The following RXFP2 variants were observed in gnomAD, a reference collection of about 807,000 sequenced individuals.
The protein encoded by RXFP2 is relaxin receptor 2.
A neutral mutation model predicts 88.6 loss-of-function variants in RXFP2; 68 were observed. The observed-to-expected ratio is 0.77, with a 90% CI of 0.63 to 0.94. RXFP2 has a LOEUF of 0.94. RXFP2 is among the 40% of genes least tolerant of loss of function. The pLI, the probability that RXFP2 is intolerant of heterozygous loss-of-function variation, is 0.00. For synonymous variants in RXFP2, 329 were observed against 306.8 expected, an observed-to-expected ratio of 1.07 and a Z score of -0.76; for missense variants, 791 against 893.9, an observed-to-expected ratio of 0.88 and a Z score of 1.47.
intron 16 of RXFP2, among the ~76,000 whole-genome samples, chr13:31,796,208 C>T (rs1298961289): frequency 2.0e-5 from 3 of 149,426 alleles, no homozygotes; most frequent in Admixed American, 6.6e-5. Context: ...CGCCACCGCG[C>T]CCGGCTAATT....
chr13:31,766,495 G>GA (rs748068692), intron 5 of RXFP2, among the ~76,000 whole-genome samples: 14 of 152,138 alleles, frequency 9.2e-5, no homozygotes, highest in Non-Finnish European at 1.8e-4. Flanking sequence ...TCTGAGGAAA[G>GA]AAAATGCCAA....
At chr13:31,744,103 C>T (rs1476991347) in intron 1 of RXFP2, among the ~76,000 whole-genome samples, 1 of 152,178 alleles carries the variant, frequency 6.6e-6, no homozygotes, top group Non-Finnish European at 1.5e-5. Flanking sequence ...ATCCCACAGT[C>T]TCCTGGCCCG....
chr13:31,798,965 T>TA (rs1874191066), intron 17 of RXFP2, among the ~76,000 whole-genome samples: 1 of 152,198 alleles, frequency 6.6e-6, no homozygotes, highest in Non-Finnish European at 1.5e-5. Flanking sequence ...ATGGTTTGTT[T>TA]ACACCAGGTT....
chr13:31,792,906 A>G lies in RXFP2; in HGVS notation c.1604A>G (p.Lys535Arg), dbSNP rs1278448405. The G allele has an allele frequency of 1.2e-6, 2 of 1,614,050 alleles. No homozygotes were observed. The highest frequency in any genetic ancestry group is 4.5e-5 in the East Asian group (2 of 44,882). The change falls in exon 16 of 18, where the codon AAA becomes AGA. Residue 535 changes from lysine to arginine, a missense_variant. Coordinates refer to ENST00000298386, the MANE Select transcript of RXFP2 (RefSeq NM_130806.5). ...CCCTTCAGTAACATTCGACCTGGAA[A>G]ACGGCAGACCTCAGTCATCCTCATT... ...VFPFSNIRPG[K>R]RQTSVILICI...
chr13:31,783,076 T>G (rs968577406), intron 11 of RXFP2, among the ~76,000 whole-genome samples: 3 of 152,172 alleles, frequency 2.0e-5, no homozygotes, highest in Admixed American at 6.5e-5. Flanking sequence ...TATAGTTAAT[T>G]CCCAATAAAT....
chr13:31,764,243 TCA>T (rs56132108), intron 3 of RXFP2, among the ~76,000 whole-genome samples: 7,973 of 131,474 alleles, frequency 0.061, 207 homozygotes, highest in African/African-American at 0.11. Context: ...TCTCTCTCTT[TCA>T]CACACACACA....
intron 1 of RXFP2, among the ~76,000 whole-genome samples, chr13:31,742,404 A>C (rs966433830): frequency 1.3e-5 from 2 of 152,220 alleles, no homozygotes; most frequent in Non-Finnish European, 2.9e-5. Flanking sequence ...TTTTAATTTC[A>C]CAACTTTATA....
Position 31,793,045 on chromosome 13 carries a change from A to G in RXFP2, c.1743A>G (p.Thr581=), listed in dbSNP as rs764444872. Residue 581 remains threonine, a synonymous_variant, in exon 16 of 18, where the codon ACA becomes ACG. Transcript: ENST00000298386. ...GTTTCCCACTTTATTATGACCAAAC[A>G]GAAGATATTGGAAGCAAAGGGTATT... ...GVCFPLYYDQ[T]EDIGSKGYSL... 1 of 1,613,584 alleles carries G rather than the reference A, an allele frequency of 6.2e-7. No individual in the cohort carries two copies.
chr13:31,774,578 A>G lies in RXFP2; in HGVS notation c.498-42A>G, dbSNP rs1329294457. ...TATGTTCAACAACCTAATATAGTCC[A>G]TAAACCATAATCACCTGACTCTCTT... On this transcript the variant is annotated intron_variant, in intron 5 of 17. Transcript: ENST00000298386. 6.1e-6 allele frequency: 6 copies of G among 990,108 alleles called. No homozygotes were observed. The East Asian group carries it at 1.2e-4, about 20-fold the overall frequency. 61.3% of individuals were successfully genotyped at this position (990,108 alleles called of 1,614,324 possible). A position where few individuals can be genotyped will look rare whatever the true frequency, so the allele number is the denominator to read the frequency against.
At position 31,799,924 on chromosome 13, in the gene RXFP2, C is replaced by T. The variant is rs556787602; in HGVS notation, c.2006-2222C>T. Among the ~76,000 whole-genome samples the T allele has an allele frequency of 1.2e-4, 19 of 152,234 alleles. No homozygotes were observed. The South Asian group carries it at 1.5e-3, about 12-fold the overall frequency. On this transcript the variant is annotated intron_variant, in intron 17 of 17. Transcript: ENST00000298386. Reference sequence around the variant, plus strand: ...GAACTCATCATCCTCAGCGAGTCTACGACACCTCAGATCATGATAAGCTTA... The same window carrying T: ...GAACTCATCATCCTCAGCGAGTCTATGACACCTCAGATCATGATAAGCTTA...
At chr13:31,743,331 G>A (rs1012832131) in intron 1 of RXFP2, among the ~76,000 whole-genome samples, 7 of 152,026 alleles carry the variant, frequency 4.6e-5, no homozygotes, top group African/African-American at 1.7e-4. Context: ...AGGCAGGCAT[G>A]GTGGTGCACA....
intron 1 of RXFP2, among the ~76,000 whole-genome samples, chr13:31,751,934 A>G (rs528293364): frequency 6.6e-6 from 1 of 152,322 alleles, no homozygotes; most frequent in Non-Finnish European, 1.5e-5. Context: ...TTTTAACCTA[A>G]AAGAATGCAT....
intron 1 of RXFP2, among the ~76,000 whole-genome samples, chr13:31,756,020 G>T (rs1871929034): frequency 6.6e-6 from 1 of 152,104 alleles, no homozygotes; most frequent in South Asian, 2.1e-4. Flanking sequence ...TTCCGTGCTT[G>T]CGGGATCTCC....
intron 1 of RXFP2, among the ~76,000 whole-genome samples, chr13:31,747,084 A>G (rs556459523): frequency 6.6e-6 from 1 of 152,218 alleles, no homozygotes; most frequent in Non-Finnish European, 1.5e-5. Context: ...AACTAAAGTT[A>G]AAATTAACCA....
intron 7 of RXFP2, among the ~76,000 whole-genome samples, chr13:31,776,172 C>G (rs1240492201): frequency 7.1e-6 from 1 of 140,546 alleles, no homozygotes; most frequent in Non-Finnish European, 1.5e-5. Flanking sequence ...TTCTTCCTTC[C>G]TTTCTCTTTC....
chr13:31,776,106 C>CTTTCTTTCTT (rs1566227868), intron 7 of RXFP2, among the ~76,000 whole-genome samples: 10 of 119,620 alleles, frequency 8.4e-5, no homozygotes, highest in Middle Eastern at 4.0e-3. Flanking sequence ...CTTTTCTTTT[C>CTTTCTTTCTT]TTTCTTTCTT....
chr13:31,785,011 C>T (rs1281206419), intron 11 of RXFP2, among the ~76,000 whole-genome samples: 1 of 152,104 alleles, frequency 6.6e-6, no homozygotes, highest in Non-Finnish European at 1.5e-5. Flanking sequence ...GATGCCATTG[C>T]CCTATTTAAT....
chr13:31,781,843 C>CA lies in RXFP2; in HGVS notation c.857+102dup. Reference sequence around the variant, plus strand: ...AAATTTTAAAGTAGTGTTTTGTTTACAGCCTTGGTCTGACACTGCAGTGCT... The same window carrying CA: ...AAATTTTAAAGTAGTGTTTTGTTTACAAGCCTTGGTCTGACACTGCAGTGCT... On this transcript the variant is annotated intron_variant, in intron 10 of 17. Transcript: ENST00000298386. The CA allele has an allele frequency of 6.9e-6, 6 of 875,030 alleles. 1 individual carries two copies. In the South Asian group the frequency reaches 8.6e-5, roughly 13 times the overall value. 54.2% of individuals were successfully genotyped at this position (875,030 alleles called of 1,614,324 possible).
chr13:31,773,573 C>T (rs1350065864), intron 5 of RXFP2, among the ~76,000 whole-genome samples: 2 of 152,080 alleles, frequency 1.3e-5, no homozygotes, highest in African/African-American at 4.8e-5. Flanking sequence ...CTCCCCGCTT[C>T]CTGACCTCTG....
Sources: gnomAD v4.1 joint callset for allele counts (sites outside exome capture counted in the v4.1 genomes callset) on GRCh38, gnomAD v4.1.1 for gene constraint, MANE v1.5 for transcripts, NCBI Gene and HGNC (gene_info 2026-07-23, HGNC 2026-07-21) for gene names.